Variants in GPC5 observed in about 807,000 individuals in gnomAD.
GPC5 encodes glypican-5.
A neutral mutation model predicts 53.9 loss-of-function variants in GPC5; 47 were observed. The observed-to-expected ratio is 0.87, with a 90% CI of 0.69 to 1.11. GPC5 has a LOEUF of 1.11. Among genes scored for constraint, GPC5 ranks in the 50% most tolerant of loss-of-function variants. The pLI, the probability that GPC5 is intolerant of heterozygous loss-of-function variation, is 0.00. For missense variants in GPC5, 748 were observed against 713.1 expected (o/e 1.05, Z -0.56); for synonymous variants, 286 against 263.3 (o/e 1.09, Z -0.84).
chr13:92,288,057 C>G (rs868130840), intron 7 of GPC5, among the ~76,000 whole-genome samples: 14 of 152,118 alleles, frequency 9.2e-5, no homozygotes, highest in Middle Eastern at 3.4e-3. Context: ...ATCTATCGCA[C>G]TTTTCAGCTC....
chr13:91,624,212 G>C (rs1296695764), intron 2 of GPC5, among the ~76,000 whole-genome samples: 3 of 152,126 alleles, frequency 2.0e-5, no homozygotes, highest in African/African-American at 4.8e-5. Context: ...TGGAGAGCTA[G>C]ACTGTCAAAA....
chr13:91,796,307 C>T (rs2038045665), intron 5 of GPC5, among the ~76,000 whole-genome samples: 2 of 152,192 alleles, frequency 1.3e-5, no homozygotes, highest in South Asian at 4.1e-4. Flanking sequence ...ATCAGAAGTG[C>T]AGTGGACACC....
At chr13:92,469,353 C>T (rs1259550354) in intron 7 of GPC5, among the ~76,000 whole-genome samples, 1 of 151,912 alleles carries the variant, frequency 6.6e-6, no homozygotes, top group East Asian at 1.9e-4. Flanking sequence ...ATTTCTATAC[C>T]ATTTTTAATA....
intron 2 of GPC5, among the ~76,000 whole-genome samples, chr13:91,522,994 T>C (rs547828962): frequency 6.6e-6 from 1 of 152,312 alleles, no homozygotes; most frequent in East Asian, 1.9e-4. Context: ...GCACGCTCTT[T>C]TTCAAATGAC....
At chr13:91,830,271 G>C (rs961009812) in intron 5 of GPC5, among the ~76,000 whole-genome samples, 8 of 152,012 alleles carry the variant, frequency 5.3e-5, no homozygotes. Context: ...GCTCTGTTCT[G>C]CCCAGCTCAC....
At chr13:91,830,562 A>C (rs2038639261) in intron 5 of GPC5, among the ~76,000 whole-genome samples, 1 of 151,792 alleles carries the variant, frequency 6.6e-6, no homozygotes, top group African/African-American at 2.4e-5. Context: ...GATTGCAGTA[A>C]AGACAGGCAT....
intron 7 of GPC5, among the ~76,000 whole-genome samples, chr13:92,182,077 A>AT (rs1020879018): frequency 3.3e-5 from 5 of 152,110 alleles, no homozygotes; most frequent in African/African-American, 9.7e-5. Context: ...AACATTTCAA[A>AT]TTTTTTCTGT....
At chr13:92,059,224 A>AG (rs1368317620) in intron 6 of GPC5, among the ~76,000 whole-genome samples, 20 of 151,562 alleles carry the variant, frequency 1.3e-4, no homozygotes, top group African/African-American at 4.2e-4. Flanking sequence ...AGAAGACCAC[A>AG]AATAGTCTCA....
intron 7 of GPC5, among the ~76,000 whole-genome samples, chr13:92,613,596 TTTA>T (rs1391116175): frequency 2.4e-5 from 3 of 122,464 alleles, no homozygotes; most frequent in South Asian, 2.3e-4. Context: ...TATATATCAT[TTTA>T]TTATATTTAT....
At chr13:92,697,126 T>C (rs1210236033) in intron 7 of GPC5, among the ~76,000 whole-genome samples, 3 of 151,342 alleles carry the variant, frequency 2.0e-5, no homozygotes, top group Non-Finnish European at 2.9e-5. Flanking sequence ...TGAAGTCAGG[T>C]AGCGTGATGC....
chr13:91,577,197 C>T (rs1452681251), intron 2 of GPC5, among the ~76,000 whole-genome samples: 8 of 152,132 alleles, frequency 5.3e-5, no homozygotes, highest in Non-Finnish European at 8.8e-5. Context: ...TCCTTTTAGC[C>T]GCTTAGCTGT....
At chr13:91,995,152 T>G (rs2138742517) in intron 6 of GPC5, 1 of 152,136 alleles carries the variant, frequency 6.6e-6, no homozygotes, top group African/African-American at 2.4e-5. Flanking sequence ...TTTTGTATTT[T>G]TAGTAGAGAC....
chr13:92,174,719 G>A (rs940414608), intron 7 of GPC5, among the ~76,000 whole-genome samples: 1 of 152,064 alleles, frequency 6.6e-6, no homozygotes, highest in African/African-American at 2.4e-5. Context: ...TCAAAAATAC[G>A]GTTCTATTCC....
intron 2 of GPC5, among the ~76,000 whole-genome samples, chr13:91,610,252 G>C (rs1361596735): frequency 2.0e-5 from 3 of 152,170 alleles, no homozygotes; most frequent in African/African-American, 7.2e-5. Flanking sequence ...CCACAAATAT[G>C]AATGTTGTCA....
intron 7 of GPC5, among the ~76,000 whole-genome samples, chr13:92,444,542 T>G (rs1472861074): frequency 6.6e-6 from 1 of 151,702 alleles, no homozygotes; most frequent in Non-Finnish European, 1.5e-5. Flanking sequence ...TAGTATTCAT[T>G]TAATAAGAGA....
chr13:92,013,183 A>G (rs1324612055), intron 6 of GPC5, among the ~76,000 whole-genome samples: 2 of 152,230 alleles, frequency 1.3e-5, no homozygotes, highest in Non-Finnish European at 2.9e-5. Flanking sequence ...GTGGCTCCCA[A>G]ACTCTTGTCC....
chr13:91,949,996 C>T (rs1189282895), intron 6 of GPC5, among the ~76,000 whole-genome samples: 6 of 152,008 alleles, frequency 3.9e-5, no homozygotes, highest in Admixed American at 1.3e-4. Flanking sequence ...TTGTTTAGAC[C>T]GCATGCTGAG....
intron 2 of GPC5, among the ~76,000 whole-genome samples, chr13:91,618,032 C>A (rs868600895): frequency 2.6e-5 from 4 of 152,162 alleles, no homozygotes; most frequent in Middle Eastern, 3.4e-3. Flanking sequence ...TCACTCTTAG[C>A]TTGTGGGTTG....
intron 5 of GPC5, among the ~76,000 whole-genome samples, chr13:91,846,748 G>C (rs1385586808): frequency 6.6e-6 from 1 of 152,274 alleles, no homozygotes; most frequent in Admixed American, 6.5e-5. Context: ...AGATTGGCCA[G>C]TCTCATCTCA....
Sources: gnomAD v4.1 joint callset for allele counts (sites outside exome capture counted in the v4.1 genomes callset) on GRCh38, gnomAD v4.1.1 for gene constraint, MANE v1.5 for transcripts, NCBI Gene and HGNC (gene_info 2026-07-23, HGNC 2026-07-21) for gene names.